The following CADM4 variants were observed in gnomAD, a reference collection of about 807,000 sequenced individuals.
The protein encoded by CADM4 is TSLC1-like 2.
CADM4 carries 13 observed loss-of-function variants against 43.9 expected under a neutral mutation model. The ratio of observed to expected loss-of-function variants is 0.30; its 90% CI spans 0.19 to 0.47. The LOEUF (loss-of-function observed/expected upper bound fraction) is 0.47, where lower values mean the gene tolerates loss of function less well. Among genes scored for constraint, CADM4 ranks in the 20% least tolerant of loss-of-function variants. CADM4 has a pLI of 1.00. For missense variants in CADM4, 420 were observed against 527.0 expected (o/e 0.80, Z 1.99); for synonymous variants, 209 against 220.9 (o/e 0.95, Z 0.48).
chr19:43,630,281 C>CTTTTTTTTTTT lies in CADM4; in HGVS notation c.65-2502_65-2492dup, dbSNP rs59489315. Among the ~76,000 whole-genome samples, 34 of 73,426 alleles carry CTTTTTTTTTTT rather than the reference C, an allele frequency of 4.6e-4. 1 individual carries two copies. Among genetic ancestry groups the CTTTTTTTTTTT allele is most frequent in the Middle Eastern group, 0.014 (1 of 70 alleles). 48.2% of individuals were successfully genotyped at this position (73,426 alleles called of 152,430 possible). ...TTTCCCCCATTTCCATTTTTCTTTT[C>CTTTTTTTTTTT]TTTTTTTTTTTTTTTTTTTTTTGAG... On this transcript the variant is annotated intron_variant, in intron 1 of 8. Transcript: ENST00000222374.
intron 1 of CADM4, among the ~76,000 whole-genome samples, chr19:43,634,009 A>C (rs1306555164): frequency 6.6e-6 from 1 of 151,902 alleles, no homozygotes; most frequent in East Asian, 1.9e-4. Flanking sequence ...ACAGAATCTC[A>C]TTTCAGCCCG....
At position 43,627,655 on chromosome 19, in the gene CADM4, T is replaced by C; in HGVS notation, c.200A>G (p.Asn67Ser). The change falls in exon 2 of 9, where the codon AAT becomes AGT. Residue 67 changes from asparagine to serine, a missense_variant. Asn to Ser is a conservative substitution (Grantham distance 46). Transcript: ENST00000222374. This position sits in a 1 kb window ranked among gnomAD's most constrained non-coding sequence, Gnocchi z 4.0. ...QNPARQTLFF[N>S]GTRALKDERF... is the part of the protein sequence containing the mutation. ...TCCCCAGCACTCACCACGGGTGCCATTGAAGAAGAGGGTCTGCCGGGCTGG... is the reference window on the plus strand; with the variant it reads ...TCCCCAGCACTCACCACGGGTGCCACTGAAGAAGAGGGTCTGCCGGGCTGG... 1.2e-6 allele frequency: 2 copies of C among 1,613,642 alleles called. No individual in the cohort carries two copies. The highest frequency in any genetic ancestry group is 1.7e-6 in the Non-Finnish European group (2 of 1,179,618).
chr19:43,629,419 G>T (rs1033463601), intron 1 of CADM4, among the ~76,000 whole-genome samples: 5 of 152,164 alleles, frequency 3.3e-5, no homozygotes, highest in Non-Finnish European at 7.4e-5. Flanking sequence ...AGAACCATCA[G>T]AGAAAAGCAT....
intron 1 of CADM4, among the ~76,000 whole-genome samples, chr19:43,639,419 G>C (rs1973742652): frequency 6.6e-6 from 1 of 151,264 alleles, no homozygotes. Flanking sequence ...GCAGAGACTG[G>C]ACAGAAGGAC....
At chr19:43,636,770 G>A (rs1411714791) in intron 1 of CADM4, among the ~76,000 whole-genome samples, 43 of 113,158 alleles carry the variant, frequency 3.8e-4, no homozygotes, top group Non-Finnish European at 6.5e-4. Flanking sequence ...GGACACAGGC[G>A]CCTGGCTCAT....
chr19:43,639,481 C>T (rs1973744000), intron 1 of CADM4, among the ~76,000 whole-genome samples: 2 of 150,560 alleles, frequency 1.3e-5, no homozygotes, highest in African/African-American at 4.9e-5. Context: ...GGGTCTCGGG[C>T]CCTTTGTCCC....
chr19:43,631,885 G>GT (rs1448817795), intron 1 of CADM4, among the ~76,000 whole-genome samples: 1 of 152,132 alleles, frequency 6.6e-6, no homozygotes, highest in African/African-American at 2.4e-5. Flanking sequence ...ATGTTTTAGT[G>GT]TAACGCTTTG....
chr19:43,636,050 C>T (rs1294991373), intron 1 of CADM4, among the ~76,000 whole-genome samples: 1 of 151,880 alleles, frequency 6.6e-6, no homozygotes, highest in South Asian at 2.1e-4. Flanking sequence ...GGCCCCCAGC[C>T]CCTCCTCCAT....
intron 1 of CADM4, among the ~76,000 whole-genome samples, chr19:43,628,092 A>G (rs1040011560): frequency 1.3e-5 from 2 of 152,134 alleles, no homozygotes; most frequent in African/African-American, 4.8e-5. Flanking sequence ...GTAGCCAGAG[A>G]GGGCTCTGCA....
At position 43,627,893 on chromosome 19, in the gene CADM4, T is replaced by TC; in HGVS notation, c.65-104dup. ...CATCCAAACCTCCAATCCCTCTCTT[T>TC]CCCCTCATTCATTCCATTGCACTGA... On this transcript the variant is annotated intron_variant, in intron 1 of 8. Coordinates refer to ENST00000222374, the MANE Select transcript of CADM4 (RefSeq NM_145296.2). This position sits in a 1 kb window ranked among gnomAD's most constrained non-coding sequence, Gnocchi z 4.0. The TC allele has an allele frequency of 8.6e-7, 1 of 1,168,842 alleles. No homozygotes were observed. The highest frequency in any genetic ancestry group is 1.2e-6 in the Non-Finnish European group (1 of 805,576). The allele number at this position is 1,168,842 out of a possible 1,614,324, so 72.4% of individuals were successfully genotyped here.
intron 1 of CADM4, among the ~76,000 whole-genome samples, chr19:43,629,787 T>C (rs1255838450): frequency 6.6e-6 from 1 of 151,850 alleles, no homozygotes; most frequent in Non-Finnish European, 1.5e-5. Context: ...CCGGGCTAAT[T>C]TTTATTTTTA....
At chr19:43,636,784 T>A (rs1398615156) in intron 1 of CADM4, among the ~76,000 whole-genome samples, 1 of 2,362 alleles carries the variant, frequency 4.2e-4, no homozygotes, top group Admixed American at 5.7e-3. Context: ...GGCTCATGGG[T>A]GGGTGGGTGG....
rs1364782757 is a variant in CADM4 at position 43,625,402 on chromosome 19, G to A, written c.756-152C>T. 3.8e-6 allele frequency: 3 copies of A among 798,830 alleles called. No individual in the cohort carries two copies. The highest frequency in any genetic ancestry group is 3.5e-5 in the African/African-American group (2 of 57,032). The allele number at this position is 798,830 out of a possible 1,614,324, so 49.5% of individuals were successfully genotyped here. ...CTCTTTCCTTTCTGGAAAACCAACA[G>A]TCCTGGGCCTACTTCCACCCATCAC... On this transcript the variant is annotated intron_variant, in intron 6 of 8. Coordinates refer to ENST00000222374, the MANE Select transcript of CADM4 (RefSeq NM_145296.2). The surrounding 1 kb of genome is among the most constrained non-coding windows in gnomAD (Gnocchi z 4.5).
chr19:43,640,979 TC>T (rs1884429294), upstream of CADM4, among the ~76,000 whole-genome samples: 1 of 46,768 alleles, frequency 2.1e-5, no homozygotes, highest in Admixed American at 2.1e-4. Context: ...CCCTCCCCCC[TC>T]CCCGCCCAGA....
Position 43,623,239 on chromosome 19 carries a change from ACT to A in CADM4, c.*89_*90del. 1 of 914,216 alleles carries A rather than the reference ACT, an allele frequency of 1.1e-6. No individual in the cohort carries two copies. The highest frequency in any genetic ancestry group is 1.7e-5 in the Admixed American group (1 of 57,422). 56.6% of individuals were successfully genotyped at this position (914,216 alleles called of 1,614,324 possible). On this transcript the variant is annotated 3_prime_UTR_variant, in exon 9 of 9. Coordinates refer to ENST00000222374, the MANE Select transcript of CADM4 (RefSeq NM_145296.2). The surrounding 1 kb of genome is among the most constrained non-coding windows in gnomAD (Gnocchi z 4.4). ...TGGGGGGAGAAGCCCACCATCCCAG[ACT>A]CTGGTAAATGTCTTTGCTGGTTCCT...
chr19:43,640,828 C>T (rs987782843), upstream of CADM4, among the ~76,000 whole-genome samples: 1 of 152,180 alleles, frequency 6.6e-6, no homozygotes, highest in Non-Finnish European at 1.5e-5. Flanking sequence ...CTGTGACACC[C>T]TGTAGACCTG....
Position 43,623,249 on chromosome 19 carries a change from A to G in CADM4, c.*81T>C. On this transcript the variant is annotated 3_prime_UTR_variant, in exon 9 of 9. Coordinates refer to ENST00000222374, the MANE Select transcript of CADM4 (RefSeq NM_145296.2). The surrounding 1 kb of genome is among the most constrained non-coding windows in gnomAD (Gnocchi z 4.4). ...AGCCCACCATCCCAGACTCTGGTAAATGTCTTTGCTGGTTCCTTGCAGCTG... is the reference window on the plus strand; with the variant it reads ...AGCCCACCATCCCAGACTCTGGTAAGTGTCTTTGCTGGTTCCTTGCAGCTG... 1 of 986,172 alleles carries G rather than the reference A, an allele frequency of 1.0e-6. No homozygotes were observed. The highest frequency in any genetic ancestry group is 1.6e-6 in the Non-Finnish European group (1 of 617,962). 61.1% of individuals were successfully genotyped at this position (986,172 alleles called of 1,614,324 possible).
intron 1 of CADM4, among the ~76,000 whole-genome samples, chr19:43,628,904 A>G (rs530978091): frequency 2.6e-5 from 4 of 152,326 alleles, no homozygotes; most frequent in African/African-American, 9.6e-5. Flanking sequence ...GCAGCCACAC[A>G]AGTGACCCCA....
Position 43,623,964 on chromosome 19 carries a change from C to T in CADM4, c.1057+150G>A. On this transcript the variant is annotated intron_variant, in intron 8 of 8. Transcript: ENST00000222374. The surrounding 1 kb of genome is among the most constrained non-coding windows in gnomAD (Gnocchi z 4.4). ...CCTTTTCGAGTATTGTGCCGAAAGC[C>T]CCGCCCCCTTTGTCATCTCCGCCCC... 12 of 931,690 alleles carry T rather than the reference C, an allele frequency of 1.3e-5. No individual in the cohort carries two copies. Among genetic ancestry groups the T allele is most frequent in the Non-Finnish European group, 1.8e-5 (11 of 617,914 alleles). The allele number at this position is 931,690 out of a possible 1,614,324, so 57.7% of individuals were successfully genotyped here. A position where few individuals can be genotyped will look rare whatever the true frequency, so the allele number is the denominator to read the frequency against.
Sources: gnomAD v4.1 joint callset for allele counts (sites outside exome capture counted in the v4.1 genomes callset) on GRCh38, gnomAD v4.1.1 for gene constraint, Gnocchi (gnomAD v3.1) non-coding constraint, MANE v1.5 for transcripts, NCBI Gene and HGNC (gene_info 2026-07-23, HGNC 2026-07-21) for gene names.